The following BTBD10 variants were observed in gnomAD, a reference collection of about 807,000 sequenced individuals.
The protein encoded by BTBD10 is BTB domain containing 10.
In BTBD10, 21 loss-of-function variants were observed where a neutral mutation model predicts 53.2. That is an observed-to-expected ratio of 0.39 (90% CI 0.28 to 0.57). The LOEUF (loss-of-function observed/expected upper bound fraction) is 0.57, where lower values mean the gene tolerates loss of function less well. BTBD10 is among the 20% of genes least tolerant of loss of function. The probability of loss-of-function intolerance (pLI) is 0.53; values close to 1 mark genes in which losing one functional copy is unlikely to be tolerated. For synonymous variants in BTBD10, 149 were observed against 192.7 expected (o/e 0.77, Z 1.88); for missense variants, 360 against 594.7 (o/e 0.61, Z 4.10).
chr11:13,411,312 T>C, intron 6 of BTBD10, among the ~76,000 whole-genome samples: 1 of 152,180 alleles, frequency 6.6e-6, no homozygotes, highest in South Asian at 2.1e-4. Context: ...CTTCTTAAAT[T>C]AAGATATAAG....
chr11:13,399,352 T>G (rs999803188), intron 8 of BTBD10, among the ~76,000 whole-genome samples: 5 of 152,232 alleles, frequency 3.3e-5, no homozygotes, highest in African/African-American at 9.6e-5. Flanking sequence ...CTACTGAGGC[T>G]TGTGCATTCG....
In BTBD10 at chr11:13,413,421, T is replaced by C. The variant is rs531443792; in HGVS notation, c.808+109A>G. ...TTTGTGGTACTAGAATGCTTTATAA[T>C]TGAATTAAATACTTTAAGTCTAACT... On this transcript the variant is annotated intron_variant, in intron 6 of 8. Transcript: ENST00000278174. The C allele has an allele frequency of 5.0e-5, 47 of 938,126 alleles. No homozygotes were observed. The African/African-American group carries it at 7.3e-4, about 14-fold the overall frequency. The allele number at this position is 938,126 out of a possible 1,614,324, so 58.1% of individuals were successfully genotyped here.
At chr11:13,426,519 AATAAT>A (rs1356006996) in intron 2 of BTBD10, among the ~76,000 whole-genome samples, 21 of 152,156 alleles carry the variant, frequency 1.4e-4, no homozygotes, top group African/African-American at 4.3e-4. Context: ...CAATAATGAT[AATAAT>A]ATAATATGGG....
chr11:13,438,912 A>G (rs1365055196), intron 2 of BTBD10, among the ~76,000 whole-genome samples: 5 of 151,968 alleles, frequency 3.3e-5, no homozygotes, highest in Non-Finnish European at 7.4e-5. Flanking sequence ...AAGCTGACAA[A>G]AACATTTCTG....
At chr11:13,405,907 T>C in intron 6 of BTBD10, 51 bp from the exon 7 acceptor site, 1 of 1,565,350 alleles carries the variant, frequency 6.4e-7, no homozygotes, top group African/African-American at 1.4e-5. Flanking sequence ...CTAAAAAGAG[T>C]TCTTTTAGAA....
intron 1 of BTBD10, among the ~76,000 whole-genome samples, chr11:13,453,490 T>C (rs1302057849): frequency 6.6e-6 from 1 of 152,174 alleles, no homozygotes. Flanking sequence ...AATGATAATA[T>C]TGAGGAAGGT....
At chr11:13,425,930 A>G (rs1272701575) in intron 2 of BTBD10, among the ~76,000 whole-genome samples, 1 of 152,180 alleles carries the variant, frequency 6.6e-6, no homozygotes, top group African/African-American at 2.4e-5. Flanking sequence ...GGGAGATTAC[A>G]CATTATAGAA....
intron 1 of BTBD10, among the ~76,000 whole-genome samples, chr11:13,455,508 A>T (rs1346464851): frequency 6.6e-6 from 1 of 152,248 alleles, no homozygotes; most frequent in Non-Finnish European, 1.5e-5. Flanking sequence ...TTACATGATT[A>T]GCATTGTTAA....
At chr11:13,457,585 T>C (rs747523568) in intron 1 of BTBD10, among the ~76,000 whole-genome samples, 1 of 152,240 alleles carries the variant, frequency 6.6e-6, no homozygotes, top group Non-Finnish European at 1.5e-5. Context: ...CACATGTATT[T>C]ATTTTTGTAA....
At chr11:13,419,846 G>A in intron 3 of BTBD10, 101 bp from the exon 4 acceptor site, 2 of 1,169,070 alleles carry the variant, frequency 1.7e-6, no homozygotes, top group African/African-American at 1.6e-5. Context: ...GTTGTTTTAA[G>A]TCACAGCATT....
intron 2 of BTBD10, among the ~76,000 whole-genome samples, 176 bp downstream of exon 2, chr11:13,444,848 A>C (rs1950724216): frequency 6.6e-6 from 1 of 152,168 alleles, no homozygotes; most frequent in African/African-American, 2.4e-5. Flanking sequence ...AAATATTAAA[A>C]AATTAAAAAG....
At position 13,411,488 on chromosome 11, in the gene BTBD10, TA is replaced by T. The variant is rs372412261; in HGVS notation, c.808+2041del. Among the ~76,000 whole-genome samples, 625 of 152,352 alleles carry T rather than the reference TA, an allele frequency of 4.1e-3. 4 individuals are homozygous for T. Among genetic ancestry groups the T allele is most frequent in the Middle Eastern group, 0.017 (5 of 294 alleles). ...TTTTTAAAACGTCTTTGAGAATCTC[TA>T]AATTTTTAGTAACATATATTACAAG... On this transcript the variant is annotated intron_variant, in intron 6 of 8. Transcript: ENST00000278174.
intron 2 of BTBD10, among the ~76,000 whole-genome samples, chr11:13,437,124 T>C (rs1950557736): frequency 6.6e-6 from 1 of 152,212 alleles, no homozygotes. Context: ...ACTGGCAACA[T>C]ACCCAACTTT....
chr11:13,446,099 T>A (rs986714115), intron 1 of BTBD10, among the ~76,000 whole-genome samples: 3 of 152,164 alleles, frequency 2.0e-5, no homozygotes, highest in Non-Finnish European at 4.4e-5. Context: ...TGGAAATAGA[T>A]GATTTGACTT....
chr11:13,449,448 G>T (rs1195275631), intron 1 of BTBD10, among the ~76,000 whole-genome samples: 1 of 151,224 alleles, frequency 6.6e-6, no homozygotes, highest in African/African-American at 2.4e-5. Flanking sequence ...ACCAAGCAAG[G>T]TATATAAAAA....
At chr11:13,404,879 A>G (rs541383016) in intron 7 of BTBD10, among the ~76,000 whole-genome samples, 91 of 152,174 alleles carry the variant, frequency 6.0e-4, no homozygotes, top group Admixed American at 1.2e-3. Context: ...TGTAAAATGG[A>G]AAAATCAGAG....
At chr11:13,398,693 C>A (rs1591093742) in intron 8 of BTBD10, among the ~76,000 whole-genome samples, 1 of 152,132 alleles carries the variant, frequency 6.6e-6, no homozygotes, top group Non-Finnish European at 1.5e-5. Flanking sequence ...GTTGTTCCTT[C>A]CCATATTTAG....
chr11:13,438,085 A>T (rs927057653), intron 2 of BTBD10, among the ~76,000 whole-genome samples: 45 of 152,128 alleles, frequency 3.0e-4, no homozygotes, highest in African/African-American at 1.1e-3. Context: ...TTCAAGAGCT[A>T]GATTTTTCCC....
chr11:13,395,078 A>T, intron 8 of BTBD10, among the ~76,000 whole-genome samples: 1 of 147,208 alleles, frequency 6.8e-6, no homozygotes, highest in Non-Finnish European at 1.5e-5. Context: ...TGGCTGGGTC[A>T]AATGGTATTT....
Sources: gnomAD v4.1 joint callset for allele counts (sites outside exome capture counted in the v4.1 genomes callset) on GRCh38, gnomAD v4.1.1 for gene constraint, MANE v1.5 for transcripts, NCBI Gene and HGNC (gene_info 2026-07-23, HGNC 2026-07-21) for gene names.